SLC38A10: variants seen among roughly 807,000 people sequenced by gnomAD.
SLC38A10 encodes the protein Sodium-coupled neutral amino acid transporter 10.
Under a neutral mutation model 81.0 loss-of-function variants are expected in SLC38A10, and 53 were observed. That is an observed-to-expected ratio of 0.65 (90% CI 0.53 to 0.82). The LOEUF (loss-of-function observed/expected upper bound fraction) is 0.82, where lower values mean the gene tolerates loss of function less well. Ranked by LOEUF, SLC38A10 falls within the 40% of genes least tolerant of loss-of-function variation. The pLI is 0.00. For synonymous variants in SLC38A10, 665 were observed against 655.3 expected, an observed-to-expected ratio of 1.01 and a Z score of -0.23; for missense variants, 1,471 against 1,545.0, an observed-to-expected ratio of 0.95 and a Z score of 0.80.
At chr17:81,250,161 A>T (rs565944130) in intron 14 of SLC38A10, 3 of 1,260,938 alleles carry the variant, frequency 2.4e-6, no homozygotes, top group South Asian at 2.6e-5. Flanking sequence ...TCTTTTTCAG[A>T]AAGAAGAAAA....
rs986688227 is a variant in SLC38A10, at chr17:81,289,649, C to A, written c.217+42G>T. The A allele has an allele frequency of 1.3e-5, 18 of 1,405,828 alleles. No homozygotes were observed. The highest frequency in any genetic ancestry group is 2.2e-5 in the Admixed American group (1 of 45,918). The allele number at this position is 1,405,828 out of a possible 1,614,324, so 87.1% of individuals were successfully genotyped here. On this transcript the variant is annotated intron_variant, in intron 2 of 15. Coordinates refer to ENST00000374759, the MANE Select transcript of SLC38A10 (RefSeq NM_001037984.3). This position sits in a 1 kb window ranked among gnomAD's most constrained non-coding sequence, Gnocchi z 5.9. ...TAAATAAATAAATGGAATAAGGCCC[C>A]CGCCCCAGGTCCAGAGCCACCTTGT...
At chr17:81,257,580 C>T (rs2062984379) in intron 11 of SLC38A10, among the ~76,000 whole-genome samples, 1 of 152,256 alleles carries the variant, frequency 6.6e-6, no homozygotes, top group Admixed American at 6.5e-5. Context: ...AGCCTCTGGC[C>T]TGTGTTGAGC....
rs201783762 is a variant in SLC38A10 at position 81,283,410 on chromosome 17, T to C, written c.356A>G (p.Gln119Arg). 6.2e-7 allele frequency: 1 copy of C among 1,610,126 alleles called. No homozygotes were observed. The highest frequency in any genetic ancestry group is 2.2e-5 in the East Asian group (1 of 44,718). Residue 119 changes from glutamine (Q) to arginine (R), a missense_variant and splice_region_variant, in exon 4 of 16, where the codon CAG (glutamine) becomes CGG (arginine). Coordinates refer to ENST00000374759, the MANE Select transcript of SLC38A10 (RefSeq NM_001037984.3). This position sits in a 1 kb window ranked among gnomAD's most constrained non-coding sequence, Gnocchi z 4.7. ...CCAGAACCCTGAACACATCCTTACC[T>C]GAAACCCGAACAGCCGGGCAAAGAA... is the stretch of plus-strand genomic sequence containing the variant. ...SNFFARLFGF[Q>R]VGGTFRMFLL...
At chr17:81,273,253 G>A (rs555544420) in intron 8 of SLC38A10, among the ~76,000 whole-genome samples, 2 of 152,340 alleles carry the variant, frequency 1.3e-5, no homozygotes, top group Non-Finnish European at 2.9e-5. Flanking sequence ...TCCGGAGGAG[G>A]CGGCAGAGCC....
intron 14 of SLC38A10, among the ~76,000 whole-genome samples, chr17:81,248,290 G>C (rs2062873288): frequency 6.6e-6 from 1 of 152,176 alleles, no homozygotes; most frequent in Admixed American, 6.5e-5. Context: ...ATGGGAGCTG[G>C]AGCGTCAGTG....
rs2062839114 is a variant in SLC38A10 at position 81,245,499 on chromosome 17, G to GAC, written c.*55_*56dup. On this transcript the variant is annotated 3_prime_UTR_variant, in exon 16 of 16. Coordinates refer to ENST00000374759, the MANE Select transcript of SLC38A10 (RefSeq NM_001037984.3). ...GTTTGGCTGGGATGCGGCTGAGACA[G>GAC]ACCTGCTGCTGGCCGAGGAGGGCAG... The GAC allele has an allele frequency of 2.3e-5, 35 of 1,529,834 alleles. No individual in the cohort carries two copies. The East Asian group carries it at 8.0e-4, about 35-fold the overall frequency. The allele number at this position is 1,529,834 out of a possible 1,614,324, so 94.8% of individuals were successfully genotyped here.
Position 81,275,955 on chromosome 17 carries a change from C to T in SLC38A10, c.912+14G>A. 6.2e-7 allele frequency: 1 copy of T among 1,610,126 alleles called. No homozygotes were observed. The highest frequency in any genetic ancestry group is 8.5e-7 in the Non-Finnish European group (1 of 1,177,642). ...TGTGCTATTACGATCCGGAGAGTGCCCCGAGGGTCTTACCTGCTGCTCACA... is the reference window on the plus strand; with the variant it reads ...TGTGCTATTACGATCCGGAGAGTGCTCCGAGGGTCTTACCTGCTGCTCACA... On this transcript the variant is annotated intron_variant, in intron 8 of 15. Coordinates refer to ENST00000374759, the MANE Select transcript of SLC38A10 (RefSeq NM_001037984.3).
chr17:81,247,540 A>AT (rs1337382981), intron 14 of SLC38A10: 1 of 153,050 alleles, frequency 6.5e-6, no homozygotes, highest in African/African-American at 2.4e-5. Flanking sequence ...ACGTAAGAAA[A>AT]TAAGCCTGGG....
At chr17:81,285,407 A>G (rs565850906) in intron 2 of SLC38A10, 2 of 152,710 alleles carry the variant, frequency 1.3e-5, no homozygotes, top group African/African-American at 2.4e-5. Context: ...CCTTTCGAGC[A>G]TGGTGCTTCA....
chr17:81,294,731 G>T, intron 1 of SLC38A10, 92 bp downstream of exon 1: 2 of 1,211,932 alleles, frequency 1.7e-6, no homozygotes, highest in Non-Finnish European at 2.2e-6. Flanking sequence ...GCGAAGCCCT[G>T]CCCCGGCGGG....
rs940990368 is a variant in SLC38A10 at position 81,253,363 on chromosome 17, G to A, written c.1289-123C>T. On this transcript the variant is annotated intron_variant, in intron 11 of 15. Coordinates refer to ENST00000374759, the MANE Select transcript of SLC38A10 (RefSeq NM_001037984.3). This position sits in a 1 kb window ranked among gnomAD's most constrained non-coding sequence, Gnocchi z 4.1. ...AGAGTCAAAGCAGTTTCTTTTTCCT[G>A]TTCGATCATTAGCAGCTAAGTAGCA... is the stretch of plus-strand genomic sequence containing the variant. 3.3e-6 allele frequency: 4 copies of A among 1,203,826 alleles called. No homozygotes were observed. Among genetic ancestry groups the A allele is most frequent in the Non-Finnish European group, 4.5e-6 (4 of 879,184 alleles). The allele number at this position is 1,203,826 out of a possible 1,614,324, so 74.6% of individuals were successfully genotyped here. A position where few individuals can be genotyped will look rare whatever the true frequency, so the allele number is the denominator to read the frequency against.
At chr17:81,275,698 C>G (rs2063154261) in intron 8 of SLC38A10, among the ~76,000 whole-genome samples, 1 of 132,138 alleles carries the variant, frequency 7.6e-6, no homozygotes, top group Non-Finnish European at 1.5e-5. Context: ...CGCCACTGCA[C>G]TCCAGCCTGG....
chr17:81,275,663 C>T (rs1200456321), intron 8 of SLC38A10, among the ~76,000 whole-genome samples: 4 of 140,700 alleles, frequency 2.8e-5, no homozygotes, highest in African/African-American at 5.7e-5. Flanking sequence ...ACCCGGGAGG[C>T]GGAGCTTGCA....
chr17:81,254,672 C>G (rs1364600888), intron 11 of SLC38A10, among the ~76,000 whole-genome samples: 1 of 152,222 alleles, frequency 6.6e-6, no homozygotes, highest in African/African-American at 2.4e-5. Context: ...TCTCAAACTC[C>G]TGACCTCAAG....
At position 81,281,596 on chromosome 17, in the gene SLC38A10, G is replaced by A. The variant is rs2063212678; in HGVS notation, c.501+593C>T. On this transcript the variant is annotated intron_variant, in intron 5 of 15. Coordinates refer to ENST00000374759, the MANE Select transcript of SLC38A10 (RefSeq NM_001037984.3). The surrounding 1 kb of genome is among the most constrained non-coding windows in gnomAD (Gnocchi z 5.3). ...TCGAGACCAGCCTGGCCAAGATGGT[G>A]AAACCCCTTCTCTACTAAAAATAAA... 6.6e-6 allele frequency among the ~76,000 whole-genome samples: 1 copy of A among 152,112 alleles called. No individual in the cohort carries two copies. The highest frequency in any genetic ancestry group is 2.4e-5 in the African/African-American group (1 of 41,418).
chr17:81,252,453 G>A lies in SLC38A10; in HGVS notation c.1687C>T (p.Gln563Ter). The change falls in exon 13 of 16, where the codon CAG becomes TAG. Residue 563 changes from glutamine (Q) to a stop codon, truncating the protein, a stop_gained. Coordinates refer to ENST00000374759, the MANE Select transcript of SLC38A10 (RefSeq NM_001037984.3). LOFTEE classifies it high-confidence loss of function. ...EQGEVGKRPG[Q>*]AQALEEAGDL... ...CCCGCCTCCTCCAAGGCCTGGGCCT[G>A]TCCAGGCCTCTTCCCAACCTCTCCC... 6.2e-7 allele frequency: 1 copy of A among 1,613,290 alleles called. No homozygotes were observed.
chr17:81,280,071 A>G (rs1430225527), intron 6 of SLC38A10: 1 of 431,092 alleles, frequency 2.3e-6, no homozygotes, highest in Non-Finnish European at 4.8e-6. Context: ...CCATGTTCCA[A>G]CCGGGCACGA....
Position 81,295,173 on chromosome 17 carries a change from C to A in SLC38A10, c.-252G>T, listed in dbSNP as rs2063339035. Reference sequence around the variant, plus strand: ...TCCGGACCCCGCCAAGCCCTGCGGCCGCCTCAGGGCCATGCGTCCCTCGCT... The same window carrying A: ...TCCGGACCCCGCCAAGCCCTGCGGCAGCCTCAGGGCCATGCGTCCCTCGCT... On this transcript the variant is annotated 5_prime_UTR_variant, in exon 1 of 16. Transcript: ENST00000374759. 2 of 347,162 alleles carry A rather than the reference C, an allele frequency of 5.8e-6. No homozygotes were observed. The highest frequency in any genetic ancestry group is 9.0e-6 in the Non-Finnish European group (2 of 221,806). The allele number at this position is 347,162 out of a possible 1,614,324, so 21.5% of individuals were successfully genotyped here. A position where few individuals can be genotyped will look rare whatever the true frequency, so the allele number is the denominator to read the frequency against.
intron 6 of SLC38A10, among the ~76,000 whole-genome samples, chr17:81,278,162 G>A (rs1312911933): frequency 2.6e-5 from 4 of 151,812 alleles, no homozygotes; most frequent in East Asian, 2.0e-4. Flanking sequence ...AGCGGCCAGC[G>A]GAGCCAAATC....
Sources: allele counts gnomAD v4.1 joint callset (sites outside exome capture counted in the v4.1 genomes callset), GRCh38; gene constraint gnomAD v4.1.1; non-coding constraint Gnocchi (gnomAD v3.1); transcripts MANE v1.5; gene names NCBI Gene and HGNC (gene_info 2026-07-23, HGNC 2026-07-21).